The following LRP1B variants were observed in gnomAD, a reference collection of about 807,000 sequenced individuals.
LRP1B encodes the protein low-density lipoprotein receptor-related protein 1B.
Under a neutral mutation model 556.6 loss-of-function variants are expected in LRP1B, and 217 were observed. The observed-to-expected ratio is 0.39, with a 90% CI of 0.35 to 0.44. The LOEUF (loss-of-function observed/expected upper bound fraction) is 0.44. Among genes scored for constraint, LRP1B ranks in the 20% least tolerant of loss-of-function variants. The probability of loss-of-function intolerance (pLI) is 1.00; values close to 1 mark genes in which losing one functional copy is unlikely to be tolerated. For missense variants in LRP1B, 5,053 were observed against 5,620.8 expected (o/e 0.90, Z 3.23); for synonymous variants, 2,047 against 1,865.8 (o/e 1.10, Z -2.50).
intron 84 of LRP1B, among the ~76,000 whole-genome samples, chr2:140,285,900 A>G (rs1411426318): frequency 1.3e-5 from 2 of 151,756 alleles, no homozygotes; most frequent in East Asian, 1.9e-4. Flanking sequence ...AAACTATATG[A>G]TATAGTAAGT....
rs572450304 is a variant in LRP1B at position 142,077,426 on chromosome 2, T to C, written c.82+53222A>G. Among the ~76,000 whole-genome samples, 10 of 152,268 alleles carry C rather than the reference T, an allele frequency of 6.6e-5. No homozygotes were observed. In the South Asian group the frequency reaches 1.2e-3, roughly 19 times the overall value. ...CAACTTGGAGGCAGGATGTGTGTTC[T>C]GCAAATGAATATAATAATTTTTAAA... On this transcript the variant is annotated intron_variant, in intron 1 of 90. Coordinates refer to ENST00000389484, the MANE Select transcript of LRP1B (RefSeq NM_018557.3).
chr2:140,837,471 T>C (rs1691944860), intron 31 of LRP1B, among the ~76,000 whole-genome samples: 1 of 152,220 alleles, frequency 6.6e-6, no homozygotes, highest in Non-Finnish European at 1.5e-5. Flanking sequence ...TATGCTAAAA[T>C]AGTATGTCTT....
In LRP1B at chr2:141,568,298, A is replaced by T. The variant is rs1209629413; in HGVS notation, c.206-87765T>A. Among the ~76,000 whole-genome samples, 2 of 151,146 alleles carry T rather than the reference A, an allele frequency of 1.3e-5. 1 individual carries two copies. The highest frequency in any genetic ancestry group is 4.8e-5 in the African/African-American group (2 of 41,370). ...AGATTTATATACAGTTTTCAAAATTAAAAAAATCACTATGCATATGACTAT... is the reference window on the plus strand; with the variant it reads ...AGATTTATATACAGTTTTCAAAATTTAAAAAATCACTATGCATATGACTAT... On this transcript the variant is annotated intron_variant, in intron 2 of 90. Coordinates refer to ENST00000389484, the MANE Select transcript of LRP1B (RefSeq NM_018557.3).
intron 2 of LRP1B, among the ~76,000 whole-genome samples, chr2:141,692,350 T>C (rs1691567327): frequency 6.6e-6 from 1 of 152,024 alleles, no homozygotes; most frequent in Non-Finnish European, 1.5e-5. Context: ...TCAAGTACGC[T>C]AAACTACTGT....
intron 21 of LRP1B, among the ~76,000 whole-genome samples, chr2:140,919,016 A>G (rs1262988761): frequency 6.6e-6 from 1 of 151,690 alleles, no homozygotes; most frequent in Non-Finnish European, 1.5e-5. Context: ...TGGGAGTAAT[A>G]TTTTTTCTTT....
At chr2:141,132,832 T>C (rs528360881) in intron 7 of LRP1B, among the ~76,000 whole-genome samples, 1 of 152,162 alleles carries the variant, frequency 6.6e-6, no homozygotes, top group South Asian at 2.1e-4. Flanking sequence ...TATAGCTTTT[T>C]ATATTTTTTA....
At chr2:141,226,784 T>C (rs1451472223) in intron 6 of LRP1B, among the ~76,000 whole-genome samples, 1 of 152,154 alleles carries the variant, frequency 6.6e-6, no homozygotes, top group Non-Finnish European at 1.5e-5. Flanking sequence ...TGGCAGCTCT[T>C]CTGTGACATG....
intron 41 of LRP1B, among the ~76,000 whole-genome samples, chr2:140,653,716 A>G (rs918389030): frequency 6.6e-6 from 1 of 152,120 alleles, no homozygotes; most frequent in Non-Finnish European, 1.5e-5. Context: ...AATATGCTAA[A>G]GAAGCATACT....
chr2:140,430,587 G>A (rs529383598), intron 66 of LRP1B, among the ~76,000 whole-genome samples: 54 of 152,164 alleles, frequency 3.5e-4, no homozygotes, highest in African/African-American at 1.3e-3. Context: ...CTTCACATCG[G>A]TCACTCCCAC....
intron 41 of LRP1B, among the ~76,000 whole-genome samples, chr2:140,626,129 G>C (rs1026509408): frequency 2.6e-5 from 4 of 152,116 alleles, no homozygotes; most frequent in Admixed American, 6.6e-5. Context: ...ATCTGTAAAG[G>C]CTGCATACTA....
chr2:140,971,159 A>C (rs1696411051), intron 18 of LRP1B, among the ~76,000 whole-genome samples: 1 of 152,248 alleles, frequency 6.6e-6, no homozygotes, highest in African/African-American at 2.4e-5. Context: ...AAAGTTAAGG[A>C]TCTCAGTATG....
chr2:140,872,681 A>T (rs939771733), intron 25 of LRP1B, among the ~76,000 whole-genome samples: 7 of 151,860 alleles, frequency 4.6e-5, no homozygotes, highest in Admixed American at 3.9e-4. Flanking sequence ...ATCCATCTCT[A>T]ATCTTCCTCT....
rs184932583 is a variant in LRP1B, at chr2:142,085,742, T to G, written c.82+44906A>C. On this transcript the variant is annotated intron_variant, in intron 1 of 90. Coordinates refer to ENST00000389484, the MANE Select transcript of LRP1B (RefSeq NM_018557.3). Reference sequence around the variant, plus strand: ...ATGCAATGCCCAGTTTAACTGAACTTTCATAACTCATTTAACTCATATCTT... The same window carrying G: ...ATGCAATGCCCAGTTTAACTGAACTGTCATAACTCATTTAACTCATATCTT... Among the ~76,000 whole-genome samples the G allele has an allele frequency of 6.0e-4, 91 of 152,322 alleles. 1 individual carries two copies. In the East Asian group the frequency reaches 0.013, roughly 23 times the overall value.
intron 2 of LRP1B, among the ~76,000 whole-genome samples, chr2:141,725,517 A>T (rs1273076596): frequency 6.6e-6 from 1 of 152,096 alleles, no homozygotes; most frequent in Admixed American, 6.6e-5. Flanking sequence ...AGTTGCAACA[A>T]GTAATAATAA....
intron 17 of LRP1B, among the ~76,000 whole-genome samples, chr2:140,987,250 G>T (rs1573954594): frequency 6.6e-6 from 1 of 152,210 alleles, no homozygotes; most frequent in South Asian, 2.1e-4. Flanking sequence ...CTGACGAAAA[G>T]ATCTAGTAGT....
In LRP1B at chr2:140,721,753, A is replaced by G. The variant is rs1227381339; in HGVS notation, c.5759-4937T>C. 2.0e-5 allele frequency among the ~76,000 whole-genome samples: 3 copies of G among 148,044 alleles called. No homozygotes were observed. In the East Asian group the frequency reaches 6.0e-4, roughly 30 times the overall value. On this transcript the variant is annotated intron_variant, in intron 35 of 90. Coordinates refer to ENST00000389484, the MANE Select transcript of LRP1B (RefSeq NM_018557.3). ...TTTGTATTTTTAGTAAAAACGAGGT[A>G]GCACCATGTTAGCCAGGATGGTCTC...
chr2:140,751,579 CT>C (rs747867457), intron 35 of LRP1B, among the ~76,000 whole-genome samples: 1 of 152,094 alleles, frequency 6.6e-6, no homozygotes, highest in African/African-American at 2.4e-5. Flanking sequence ...TATTTTAATA[CT>C]TTATTTTTCC....
chr2:140,330,199 CAATAATAATAATAATAAT>C (rs70985089), intron 79 of LRP1B, among the ~76,000 whole-genome samples: 15 of 137,966 alleles, frequency 1.1e-4, no homozygotes, highest in Admixed American at 1.5e-4. Flanking sequence ...GACTCTGTCT[CAATAATAATAATAATAAT>C]AATAATAATA....
At chr2:140,510,218 T>A (rs139229218) in intron 51 of LRP1B, among the ~76,000 whole-genome samples, 162 bp from the exon 52 acceptor site, 25 of 152,358 alleles carry the variant, frequency 1.6e-4, no homozygotes, top group African/African-American at 5.8e-4. Context: ...CCCCTGTAGT[T>A]GTCCACACAT....
Sources: gnomAD v4.1 joint callset for allele counts (sites outside exome capture counted in the v4.1 genomes callset) on GRCh38, gnomAD v4.1.1 for gene constraint, MANE v1.5 for transcripts, NCBI Gene and HGNC (gene_info 2026-07-23, HGNC 2026-07-21) for gene names.